Variants in CELF2 observed in about 807,000 individuals in gnomAD.
CELF2 encodes CUGBP Elav-like family member 2, also known as CUG triplet repeat RNA-binding protein 2.
In CELF2, 8 loss-of-function variants were observed where a neutral mutation model predicts 62.6. The observed-to-expected ratio is 0.13, with a 90% confidence interval of 0.07 to 0.23. The LOEUF is 0.23. Ranked by LOEUF, CELF2 falls within the 10% of genes least tolerant of loss-of-function variation. The probability of loss-of-function intolerance (pLI) is 1.00; values close to 1 mark genes in which losing one functional copy is unlikely to be tolerated. For missense variants in CELF2, 333 were observed against 671.0 expected (o/e 0.50, Z 5.56); for synonymous variants, 258 against 250.0 (o/e 1.03, Z -0.30).
chr10:11,066,078 AAGG>A (rs1240841498), intron 1 of CELF2, among the ~76,000 whole-genome samples: 2 of 152,114 alleles, frequency 1.3e-5, no homozygotes, highest in African/African-American at 4.8e-5. Flanking sequence ...AGGAGGAAAA[AAGG>A]AGATCAGGCC....
chr10:10,945,493 T>C (rs1462134231), intron 2 of CELF2, among the ~76,000 whole-genome samples: 1 of 152,142 alleles, frequency 6.6e-6, no homozygotes, highest in Non-Finnish European at 1.5e-5. Flanking sequence ...GATTTCCAGT[T>C]TACACCACAC....
intron 1 of CELF2, among the ~76,000 whole-genome samples, chr10:10,874,005 G>T (rs2060924332): frequency 6.6e-6 from 1 of 152,138 alleles, no homozygotes; most frequent in Non-Finnish European, 1.5e-5. Flanking sequence ...ATAATGTGCT[G>T]AAATTATATA....
At chr10:10,933,350 AT>A in intron 2 of CELF2, among the ~76,000 whole-genome samples, 1 of 152,320 alleles carries the variant, frequency 6.6e-6, no homozygotes, top group South Asian at 2.1e-4. Flanking sequence ...GTGGTACAGT[AT>A]GATATTTCTA....
intron 9 of CELF2, among the ~76,000 whole-genome samples, chr10:11,301,598 A>T (rs1359963254): frequency 7.0e-6 from 1 of 143,884 alleles, no homozygotes; most frequent in Non-Finnish European, 1.5e-5. Flanking sequence ...ACGGGCTTGG[A>T]CTGGGCCTCA....
chr10:11,276,564 T>G (rs1277876268), intron 8 of CELF2, among the ~76,000 whole-genome samples: 2 of 152,214 alleles, frequency 1.3e-5, no homozygotes, highest in Non-Finnish European at 2.9e-5. Flanking sequence ...ACCTCCTGAT[T>G]GCAAGCTCTA....
chr10:10,780,742 G>C, the CELF2 span, among the ~76,000 whole-genome samples: 1 of 152,334 alleles, frequency 6.6e-6, no homozygotes, highest in East Asian at 1.9e-4. Context: ...GCTTCCCAAA[G>C]TGCTGGGATT....
At chr10:10,979,994 G>A (rs761609565) in intron 2 of CELF2, among the ~76,000 whole-genome samples, 1 of 152,198 alleles carries the variant, frequency 6.6e-6, no homozygotes, top group Non-Finnish European at 1.5e-5. Context: ...AGTGCTTGTA[G>A]AAGCAAAATG....
At chr10:11,076,390 G>C (rs1337833559) in intron 1 of CELF2, among the ~76,000 whole-genome samples, 1 of 152,202 alleles carries the variant, frequency 6.6e-6, no homozygotes, top group Non-Finnish European at 1.5e-5. Flanking sequence ...TTGCAAGGAC[G>C]TAGGCTTGAT....
intron 1 of CELF2, among the ~76,000 whole-genome samples, chr10:11,057,294 G>GGGT (rs1487698618): frequency 6.6e-6 from 1 of 152,118 alleles, no homozygotes; most frequent in African/African-American, 2.4e-5. Context: ...GGGATGTGTG[G>GGGT]GGTGGGGGGT....
At chr10:10,551,573 G>A in the CELF2 span, among the ~76,000 whole-genome samples, 1 of 152,158 alleles carries the variant, frequency 6.6e-6, no homozygotes, top group Non-Finnish European at 1.5e-5. Flanking sequence ...CTGGCTGAGA[G>A]AAGCAAGTGT....
At chr10:11,202,163 A>G (rs1588950880) in intron 2 of CELF2, among the ~76,000 whole-genome samples, 1 of 152,170 alleles carries the variant, frequency 6.6e-6, no homozygotes, top group East Asian at 1.9e-4. Flanking sequence ...TATATCAACT[A>G]CTTGGAATTT....
chr10:10,511,792 A>C, the CELF2 span, among the ~76,000 whole-genome samples: 1 of 152,224 alleles, frequency 6.6e-6, no homozygotes, highest in African/African-American at 2.4e-5. Context: ...ATAAATACAA[A>C]TAGCCACTTC....
chr10:11,310,037 C>T (rs2094477835), intron 9 of CELF2, among the ~76,000 whole-genome samples: 1 of 152,148 alleles, frequency 6.6e-6, no homozygotes, highest in Non-Finnish European at 1.5e-5. Context: ...CTCCTTGCCT[C>T]TCCCAGCATA....
intron 1 of CELF2, among the ~76,000 whole-genome samples, chr10:11,148,264 T>G (rs570310725): frequency 4.3e-4 from 66 of 152,344 alleles, no homozygotes; most frequent in African/African-American, 1.4e-3. Flanking sequence ...TGGGCAACAG[T>G]GAGAACCCTA....
intron 1 of CELF2, among the ~76,000 whole-genome samples, chr10:10,903,062 A>G (rs2134147365): frequency 6.6e-6 from 1 of 152,316 alleles, no homozygotes; most frequent in East Asian, 1.9e-4. Flanking sequence ...GAACTCGTCT[A>G]GGAGCTCAGG....
chr10:10,823,989 C>T (rs529545928), intron 1 of CELF2, among the ~76,000 whole-genome samples: 7 of 150,422 alleles, frequency 4.7e-5, no homozygotes, highest in South Asian at 2.2e-4. Context: ...TAGATAGATA[C>T]ATAGATACAT....
intron 1 of CELF2, among the ~76,000 whole-genome samples, chr10:11,027,163 G>A (rs1051300330): frequency 2.0e-5 from 3 of 152,196 alleles, no homozygotes; most frequent in Non-Finnish European, 4.4e-5. Context: ...GGAATCCTTT[G>A]AGAAGCCTGA....
intron 2 of CELF2, among the ~76,000 whole-genome samples, chr10:10,988,292 T>TAGAG (rs1359141379): frequency 9.5e-4 from 142 of 148,914 alleles, no homozygotes; most frequent in Non-Finnish European, 1.6e-3. Flanking sequence ...TATATATATA[T>TAGAG]ATAGAGAGAG....
the CELF2 span, among the ~76,000 whole-genome samples, chr10:10,516,227 C>T: frequency 1.3e-5 from 2 of 152,170 alleles, no homozygotes; most frequent in Non-Finnish European, 2.9e-5. Context: ...CAATAGGCAT[C>T]TCTTGGTCAG....
Sources: gnomAD v4.1 joint callset for allele counts (sites outside exome capture counted in the v4.1 genomes callset) on GRCh38, gnomAD v4.1.1 for gene constraint, MANE v1.5 for transcripts, NCBI Gene and HGNC (gene_info 2026-07-23, HGNC 2026-07-21) for gene names.